EFCAB5: variants seen among roughly 807,000 people sequenced by gnomAD.
The protein encoded by EFCAB5 is EF-hand calcium binding domain 5.
A neutral mutation model predicts 167.9 loss-of-function variants in EFCAB5; 131 were observed. That is an observed-to-expected ratio of 0.78 (90% CI 0.68 to 0.90). EFCAB5 has a LOEUF of 0.90. EFCAB5 is among the 40% of genes least tolerant of loss of function. The pLI is 0.00. For missense variants in EFCAB5, 1,663 were observed against 1,745.2 expected (o/e 0.95, Z 0.84); for synonymous variants, 574 against 602.8 (o/e 0.95, Z 0.70).
chr17:30,004,228 G>A (rs2068727415), intron 7 of EFCAB5, among the ~76,000 whole-genome samples: 1 of 152,216 alleles, frequency 6.6e-6, no homozygotes. Context: ...GGTTTCCTTA[G>A]CTTCTCCTGC....
chr17:30,020,086 T>C (rs932503901), intron 7 of EFCAB5, among the ~76,000 whole-genome samples: 1 of 152,206 alleles, frequency 6.6e-6, no homozygotes. Context: ...AGTTTATCCA[T>C]GTTGTCACAA....
At position 30,083,025 on chromosome 17, in the gene EFCAB5, A is replaced by G. The variant is rs1201363335; in HGVS notation, c.3561A>G (p.Val1187=). ...TCACCTCCATCACTACGTACTTTGT[A>G]GAGCCTAGCCCAGCCCAGGTAGGCA... ...SSITSITTYF[V]EPSPAQDSDY... Residue 1187 remains valine, a synonymous_variant, in exon 18 of 23, where the codon GTA becomes GTG. Coordinates refer to ENST00000394835, the MANE Select transcript of EFCAB5 (RefSeq NM_198529.4). The G allele has an allele frequency of 6.2e-6, 10 of 1,613,972 alleles. No homozygotes were observed. The highest frequency in any genetic ancestry group is 1.7e-4 in the Middle Eastern group (1 of 6,060).
intron 8 of EFCAB5, among the ~76,000 whole-genome samples, chr17:30,040,778 A>G (rs2069748752): frequency 6.6e-6 from 1 of 152,228 alleles, no homozygotes; most frequent in Non-Finnish European, 1.5e-5. Context: ...GCCTCCTATC[A>G]ACTATTAGTT....
At chr17:29,985,419 G>A (rs936927873) in intron 4 of EFCAB5, among the ~76,000 whole-genome samples, 3 of 152,180 alleles carry the variant, frequency 2.0e-5, no homozygotes, top group African/African-American at 7.2e-5. Flanking sequence ...CTCAGTCATG[G>A]AGACCCTAAC....
chr17:30,007,819 T>C lies in EFCAB5; in HGVS notation c.1044+7843T>C, dbSNP rs150887660. Among the ~76,000 whole-genome samples the C allele has an allele frequency of 2.0e-5, 3 of 152,158 alleles. No homozygotes were observed. The East Asian group carries it at 5.8e-4, about 29-fold the overall frequency. ...CCGGGCAACATAGTGGGACCCTGTC[T>C]GTACAAAAAATTAAAAACATAGCCA... On this transcript the variant is annotated intron_variant, in intron 7 of 22. Coordinates refer to ENST00000394835, the MANE Select transcript of EFCAB5 (RefSeq NM_198529.4).
intron 3 of EFCAB5, among the ~76,000 whole-genome samples, chr17:29,962,629 T>G (rs1415690420): frequency 1.5e-5 from 2 of 129,636 alleles, no homozygotes; most frequent in African/African-American, 5.6e-5. Flanking sequence ...CCACCATGCC[T>G]GGCTTTTTTT....
intron 1 of EFCAB5, among the ~76,000 whole-genome samples, chr17:29,933,713 G>A (rs987145402): frequency 6.6e-6 from 1 of 152,128 alleles, no homozygotes; most frequent in Non-Finnish European, 1.5e-5. Context: ...AAATCTCTGA[G>A]GTTAGCTGGT....
chr17:29,941,570 G>C (rs1419641683), upstream of EFCAB5: 6 of 380,536 alleles, frequency 1.6e-5, no homozygotes, highest in Non-Finnish European at 4.7e-6. Context: ...CAATGATCTA[G>C]CTTTGGTCAG....
intron 14 of EFCAB5, 32 bp downstream of exon 14, chr17:30,059,733 T>G (rs1328565696): frequency 6.5e-7 from 1 of 1,538,618 alleles, no homozygotes; most frequent in Admixed American, 1.9e-5. Flanking sequence ...ATTTAAACTG[T>G]GGTAATTAAC....
At chr17:29,942,130 C>G (rs1279038392) in intron 1 of EFCAB5, 110 bp from the exon 2 acceptor site, 2 of 868,190 alleles carry the variant, frequency 2.3e-6, no homozygotes, top group African/African-American at 1.7e-5. Context: ...GATATTTACT[C>G]ATTATGTGAA....
intron 3 of EFCAB5, among the ~76,000 whole-genome samples, chr17:29,955,739 C>T (rs1168272416): frequency 6.6e-6 from 1 of 151,788 alleles, no homozygotes; most frequent in Non-Finnish European, 1.5e-5. Flanking sequence ...CCATACTTCC[C>T]AAAGAAATTT....
intron 18 of EFCAB5, among the ~76,000 whole-genome samples, chr17:30,084,055 G>A (rs1037170666): frequency 1.3e-5 from 2 of 152,186 alleles, no homozygotes; most frequent in Admixed American, 1.3e-4. Context: ...GAGGTGCTTG[G>A]TTGGGTGGTA....
chr17:30,096,677 A>ATATT lies in EFCAB5; in HGVS notation c.4321+3742_4321+3743insATTT, dbSNP rs1193558323. Among the ~76,000 whole-genome samples the ATATT allele has an allele frequency of 4.0e-4, 24 of 60,126 alleles. 1 individual carries two copies. The highest frequency in any genetic ancestry group is 1.1e-3 in the African/African-American group (13 of 11,908). 39.4% of individuals were successfully genotyped at this position (60,126 alleles called of 152,430 possible). ...CATATATATATATATATATATATATATTTTTTTTTTTTTTTTTTTTGAGAT... is the reference window on the plus strand; with the variant it reads ...CATATATATATATATATATATATATATATTTTTTTTTTTTTTTTTTTTTTGAGAT... On this transcript the variant is annotated intron_variant, in intron 22 of 22. Transcript: ENST00000394835.
intron 14 of EFCAB5, chr17:30,069,600 TCTC>T: frequency 1.2e-6 from 2 of 1,613,086 alleles, no homozygotes; most frequent in Admixed American, 1.7e-5. Flanking sequence ...ATGTGCTCCT[TCTC>T]CTTGCTCTTC....
At chr17:29,958,735 A>G (rs557248119) in intron 3 of EFCAB5, among the ~76,000 whole-genome samples, 3 of 152,278 alleles carry the variant, frequency 2.0e-5, no homozygotes, top group African/African-American at 7.2e-5. Flanking sequence ...TGTGGTCTTC[A>G]CAGTCTGGGC....
chr17:30,096,772 C>T (rs1275167235), intron 22 of EFCAB5, among the ~76,000 whole-genome samples: 2 of 145,224 alleles, frequency 1.4e-5, no homozygotes, highest in Non-Finnish European at 3.0e-5. Context: ...CTCTGACTCC[C>T]GGGTTCAAGA....
At chr17:30,077,531 G>T (rs1033160519) in intron 14 of EFCAB5, among the ~76,000 whole-genome samples, 1 of 152,126 alleles carries the variant, frequency 6.6e-6, no homozygotes. Context: ...GATCATAGAA[G>T]AATATATGTT....
intron 4 of EFCAB5, among the ~76,000 whole-genome samples, chr17:29,984,735 A>G (rs969225673): frequency 6.6e-6 from 1 of 152,160 alleles, no homozygotes; most frequent in Non-Finnish European, 1.5e-5. Flanking sequence ...ATAAATAAAT[A>G]AATAAAAATA....
chr17:30,036,135 CTA>C (rs1274275244), intron 8 of EFCAB5, among the ~76,000 whole-genome samples: 1 of 138,624 alleles, frequency 7.2e-6, no homozygotes, highest in Admixed American at 7.6e-5. Flanking sequence ...ATGAGGCACT[CTA>C]TATATAATAT....
Sources: gnomAD v4.1 joint callset for allele counts (sites outside exome capture counted in the v4.1 genomes callset) on GRCh38, gnomAD v4.1.1 for gene constraint, MANE v1.5 for transcripts, NCBI Gene and HGNC (gene_info 2026-07-23, HGNC 2026-07-21) for gene names.